Variants in BAG4 observed in about 807,000 individuals in gnomAD.
BAG4 encodes BAG cochaperone 4.
A neutral mutation model predicts 52.1 loss-of-function variants in BAG4; 28 were observed. The observed-to-expected ratio is 0.54, with a 90% CI of 0.40 to 0.74. The LOEUF (loss-of-function observed/expected upper bound fraction) is 0.74, where lower values mean the gene tolerates loss of function less well. Among genes scored for constraint, BAG4 ranks in the 30% least tolerant of loss-of-function variants. The probability of loss-of-function intolerance (pLI) is 0.00; values close to 1 mark genes in which losing one functional copy is unlikely to be tolerated. For missense variants in BAG4, 525 were observed against 572.0 expected (o/e 0.92, Z 0.84); for synonymous variants, 208 against 217.0 (o/e 0.96, Z 0.37).
intron 2 of BAG4, among the ~76,000 whole-genome samples, chr8:38,193,605 G>T (rs545288118): frequency 6.6e-6 from 1 of 151,814 alleles, no homozygotes; most frequent in African/African-American, 2.4e-5. Flanking sequence ...ATTTTCTGTT[G>T]CCCAGGCTGG....
chr8:38,204,951 C>A lies in BAG4; in HGVS notation c.379-2561C>A, dbSNP rs1031874007. Among the ~76,000 whole-genome samples, 8 of 151,794 alleles carry A rather than the reference C, an allele frequency of 5.3e-5. 1 individual carries two copies. Among genetic ancestry groups the A allele is most frequent in the African/African-American group, 1.9e-4 (8 of 41,334 alleles). ...AAACATTTTTAATTAAAAATTAAAACTTAAAAGGAAAAAAACAACCTTAAA... is the reference window on the plus strand; with the variant it reads ...AAACATTTTTAATTAAAAATTAAAAATTAAAAGGAAAAAAACAACCTTAAA... On this transcript the variant is annotated intron_variant, in intron 2 of 4. Transcript: ENST00000287322.
intron 2 of BAG4, among the ~76,000 whole-genome samples, chr8:38,194,061 G>A (rs4259388): frequency 0.94 from 142,144 of 151,882 alleles, 66,806 homozygotes; most frequent in East Asian, 1. Flanking sequence ...TAGTAGAGAT[G>A]GGGTTTCACC....
chr8:38,212,478 T>C lies in BAG4; in HGVS notation c.*1985T>C, dbSNP rs1338252753. On this transcript the variant is annotated 3_prime_UTR_variant, in exon 5 of 5. Coordinates refer to ENST00000287322, the MANE Select transcript of BAG4 (RefSeq NM_004874.4). ...CTTATGTTAACATCTTACGTAACAATAGAACATTTGTCAAAATTAAGAAAT... is the reference window on the plus strand; with the variant it reads ...CTTATGTTAACATCTTACGTAACAACAGAACATTTGTCAAAATTAAGAAAT... 6.6e-6 allele frequency: 1 copy of C among 152,198 alleles called. No individual in the cohort carries two copies. The highest frequency in any genetic ancestry group is 1.5e-5 in the Non-Finnish European group (1 of 68,014). The allele number at this position is 152,198 out of a possible 1,614,324, so 9.4% of individuals were successfully genotyped here.
chr8:38,207,702 A>T lies in BAG4; in HGVS notation c.569A>T (p.Gln190Leu), dbSNP rs1040496476. The change falls in exon 3 of 5, where the codon CAG becomes CTG. Residue 190 changes from glutamine (Q) to leucine (L), a missense_variant. Gln to Leu is a moderately radical substitution (Grantham distance 113, BLOSUM62 -2). Around this residue, in one of 2 missense-constraint regions of BAG4, gnomAD observed 287 missense variants for 266.1 expected, o/e 1.08. Coordinates refer to ENST00000287322, the MANE Select transcript of BAG4 (RefSeq NM_004874.4). ...PTPVSRWIYPQQDCQTEAPPL... is the reference protein window; with the variant it reads ...PTPVSRWIYPLQDCQTEAPPL... ...CCAGTCTCTCGTTGGATCTATCCCC[A>T]GCAGGACTGTCAGACTGAAGCACCC... 3.1e-6 allele frequency: 5 copies of T among 1,614,154 alleles called. No individual in the cohort carries two copies. The East Asian group carries it at 6.7e-5, about 22-fold the overall frequency.
At chr8:38,192,593 T>A (rs540707638) in intron 1 of BAG4, 95 bp from the exon 2 acceptor site, 2 of 992,888 alleles carry the variant, frequency 2.0e-6, no homozygotes, top group East Asian at 5.3e-5. Context: ...GTCTATTGCT[T>A]TTTTTTTTAA....
intron 2 of BAG4, among the ~76,000 whole-genome samples, chr8:38,197,435 A>G (rs1430336890): frequency 6.6e-6 from 1 of 152,234 alleles, no homozygotes; most frequent in African/African-American, 2.4e-5. Context: ...CTAAATATAG[A>G]AAAGATACAG....
In BAG4 at chr8:38,189,308, C is replaced by T. The variant is rs1803428644; in HGVS notation, c.271-3380C>T. The stretch of plus-strand genomic sequence containing the variant: ...GAGTAAAACTTGAAAATAAGAATAC[C>T]AGTTTTATGAGTAACAACTAATGGA... On this transcript the variant is annotated intron_variant, in intron 1 of 4. Transcript: ENST00000287322. Among the ~76,000 whole-genome samples, 3 of 152,172 alleles carry T rather than the reference C, an allele frequency of 2.0e-5. No homozygotes were observed. In the South Asian group the frequency reaches 6.2e-4, roughly 32 times the overall value.
chr8:38,194,950 GTTCACGCCATT>G (rs1803540254), intron 2 of BAG4, among the ~76,000 whole-genome samples: 1 of 147,668 alleles, frequency 6.8e-6, no homozygotes, highest in Non-Finnish European at 1.5e-5. Flanking sequence ...TGCCTCCCGG[GTTCACGCCATT>G]CTGCTGCCTC....
In BAG4 at chr8:38,213,012, T is replaced by C. The variant is rs1295976598; in HGVS notation, c.*2519T>C. On this transcript the variant is annotated 3_prime_UTR_variant, in exon 5 of 5. Coordinates refer to ENST00000287322, the MANE Select transcript of BAG4 (RefSeq NM_004874.4). ...ATAAGATATTCAGGATAAGTATAGATTTAGAACTTAAAGATGTTAAATCAT... is the reference window on the plus strand; with the variant it reads ...ATAAGATATTCAGGATAAGTATAGACTTAGAACTTAAAGATGTTAAATCAT... 1 of 152,200 alleles carries C rather than the reference T, an allele frequency of 6.6e-6. No homozygotes were observed. Among genetic ancestry groups the C allele is most frequent in the East Asian group, 1.9e-4 (1 of 5,204 alleles). 9.4% of individuals were successfully genotyped at this position (152,200 alleles called of 1,614,324 possible).
intron 2 of BAG4, chr8:38,202,163 AT>A (rs1803690128): frequency 6.6e-6 from 1 of 151,854 alleles, no homozygotes. Flanking sequence ...AGCAGAAGAT[AT>A]TGTCTCACCC....
At chr8:38,186,604 G>A (rs936603035) in intron 1 of BAG4, among the ~76,000 whole-genome samples, 1 of 152,180 alleles carries the variant, frequency 6.6e-6, no homozygotes, top group Non-Finnish European at 1.5e-5. Context: ...GAAGCTAGGA[G>A]GAGCCCTTTG....
At chr8:38,196,854 A>C (rs1803570161) in intron 2 of BAG4, among the ~76,000 whole-genome samples, 1 of 152,100 alleles carries the variant, frequency 6.6e-6, no homozygotes, top group Non-Finnish European at 1.5e-5. Context: ...AGGTGGGCAG[A>C]TCACTTGAGG....
intron 1 of BAG4, among the ~76,000 whole-genome samples, chr8:38,180,522 CAAAAAAAA>C (rs1161178024): frequency 5.3e-4 from 14 of 26,498 alleles, no homozygotes; most frequent in African/African-American, 1.1e-3. Context: ...GACTCCGTCT[CAAAAAAAA>C]AAAAAAAAAA....
At position 38,190,759 on chromosome 8, in the gene BAG4, C is replaced by CT. The variant is rs763468928; in HGVS notation, c.271-1914dup. Among the ~76,000 whole-genome samples, 304 of 133,794 alleles carry CT rather than the reference C, an allele frequency of 2.3e-3. 2 individuals carry two copies. Among genetic ancestry groups the CT allele is most frequent in the Admixed American group, 3.7e-3 (48 of 12,980 alleles). 87.8% of individuals were successfully genotyped at this position (133,794 alleles called of 152,430 possible). A position where few individuals can be genotyped will look rare whatever the true frequency, so the allele number is the denominator to read the frequency against. On this transcript the variant is annotated intron_variant, in intron 1 of 4. Transcript: ENST00000287322. The stretch of plus-strand genomic sequence containing the variant: ...CGCCCAGCCCAAGTTGGTGGGTTGT[C>CT]TTTTTTTTTTTTTTTGAGACGGAGT...
intron 2 of BAG4, among the ~76,000 whole-genome samples, chr8:38,204,611 C>G (rs551394823): frequency 6.6e-6 from 1 of 150,688 alleles, no homozygotes; most frequent in African/African-American, 2.4e-5. Context: ...GGCAACATAG[C>G]GTGACCTCAT....
In BAG4 at chr8:38,200,029, A is replaced by T. The variant is rs1803634465; in HGVS notation, c.378+7234A>T. 2.7e-5 allele frequency among the ~76,000 whole-genome samples: 4 copies of T among 147,698 alleles called. No individual in the cohort carries two copies. In the South Asian group the frequency reaches 8.5e-4, roughly 31 times the overall value. On this transcript the variant is annotated intron_variant, in intron 2 of 4. Coordinates refer to ENST00000287322, the MANE Select transcript of BAG4 (RefSeq NM_004874.4). ...ACCCCCTTTTTTTTTTTTTTGAAACAGAGTCTTGTTCTGTCGCCCAGGATG... is the reference window on the plus strand; with the variant it reads ...ACCCCCTTTTTTTTTTTTTTGAAACTGAGTCTTGTTCTGTCGCCCAGGATG...
intron 1 of BAG4, among the ~76,000 whole-genome samples, chr8:38,180,521 T>G (rs1585649432): frequency 2.8e-5 from 1 of 35,142 alleles, no homozygotes; most frequent in South Asian, 8.6e-4. Flanking sequence ...AGACTCCGTC[T>G]CAAAAAAAAA....
At chr8:38,192,390 C>T (rs569221637) in intron 1 of BAG4, among the ~76,000 whole-genome samples, 2 of 152,160 alleles carry the variant, frequency 1.3e-5, no homozygotes, top group African/African-American at 4.8e-5. Flanking sequence ...TTTGATTTAC[C>T]ATGTACTGAA....
intron 2 of BAG4, among the ~76,000 whole-genome samples, chr8:38,194,354 T>C (rs1255202745): frequency 2.0e-5 from 3 of 151,246 alleles, no homozygotes; most frequent in Non-Finnish European, 4.4e-5. Flanking sequence ...TTCTGTTATA[T>C]AAATACGAGA....
Sources: allele counts gnomAD v4.1 joint callset (sites outside exome capture counted in the v4.1 genomes callset), GRCh38; gene constraint gnomAD v4.1.1; regional missense constraint gnomAD v4.1.1; transcripts MANE v1.5; gene names NCBI Gene and HGNC (gene_info 2026-07-23, HGNC 2026-07-21).